FNDC3A: variants seen among roughly 807,000 people sequenced by gnomAD.
The protein encoded by FNDC3A is fibronectin type-III domain-containing protein 3A.
A neutral mutation model predicts 148.9 loss-of-function variants in FNDC3A; 32 were observed. That is an observed-to-expected ratio of 0.21 (90% CI 0.16 to 0.29). The LOEUF is 0.29. Among genes scored for constraint, FNDC3A ranks in the 10% least tolerant of loss-of-function variants. FNDC3A has a pLI of 1.00. For missense variants in FNDC3A, 1,191 were observed against 1,452.8 expected (o/e 0.82, Z 2.93); for synonymous variants, 472 against 473.6 (o/e 1.00, Z 0.04).
chr13:48,982,650 A>G (rs1951714287), intron 1 of FNDC3A, among the ~76,000 whole-genome samples: 1 of 152,196 alleles, frequency 6.6e-6, no homozygotes, highest in African/African-American at 2.4e-5. Flanking sequence ...AAATCACAAT[A>G]CAATTCCTGC....
At chr13:48,987,864 G>A (rs1394899432) in intron 1 of FNDC3A, 2 of 152,226 alleles carry the variant, frequency 1.3e-5, no homozygotes, top group East Asian at 3.9e-4. Flanking sequence ...AAATGTTATG[G>A]CACTTAAACA....
intron 14 of FNDC3A, among the ~76,000 whole-genome samples, chr13:49,185,076 G>A (rs1885497592): frequency 6.6e-6 from 1 of 152,014 alleles, no homozygotes; most frequent in African/African-American, 2.4e-5. Context: ...TTTACTGTGG[G>A]GAGAGAAAAA....
rs1886740134 is a variant in FNDC3A at position 49,208,176 on chromosome 13, T to C, written c.*781T>C. The C allele has an allele frequency of 6.6e-6, 1 of 152,230 alleles. No individual in the cohort carries two copies. Among genetic ancestry groups the C allele is most frequent in the Non-Finnish European group, 1.5e-5 (1 of 68,032 alleles). The allele number at this position is 152,230 out of a possible 1,614,324, so 9.4% of individuals were successfully genotyped here. A position where few individuals can be genotyped will look rare whatever the true frequency, so the allele number is the denominator to read the frequency against. ...AAAGTAAATTGAATTTCAAACCTAT[T>C]TGGCTTCTGTTTTGTGAACCTTTGA... On this transcript the variant is annotated 3_prime_UTR_variant, in exon 26 of 26. Transcript: ENST00000492622.
chr13:48,980,874 G>T (rs1276312584), intron 1 of FNDC3A, among the ~76,000 whole-genome samples: 1 of 152,150 alleles, frequency 6.6e-6, no homozygotes, highest in Non-Finnish European at 1.5e-5. Context: ...ATCAGGGTTA[G>T]TATTAGGTGC....
chr13:49,006,991 A>G (rs937777179), intron 2 of FNDC3A, among the ~76,000 whole-genome samples: 4 of 152,074 alleles, frequency 2.6e-5, no homozygotes, highest in African/African-American at 9.7e-5. Flanking sequence ...TTGTGCTAAG[A>G]GCTTTATGAT....
chr13:49,016,995 A>G (rs1334735896), intron 2 of FNDC3A, among the ~76,000 whole-genome samples: 1 of 151,630 alleles, frequency 6.6e-6, no homozygotes, highest in Admixed American at 6.6e-5. Flanking sequence ...GTTCTTTTAC[A>G]TTTGCTGAGG....
chr13:49,180,224 A>G (rs1212429994), intron 14 of FNDC3A, among the ~76,000 whole-genome samples: 9 of 152,160 alleles, frequency 5.9e-5, no homozygotes, highest in African/African-American at 4.8e-5. Context: ...GATAAATTCA[A>G]CATTTAAATT....
At chr13:49,203,031 G>C in intron 24 of FNDC3A, 126 bp from the exon 25 acceptor site, 2 of 674,428 alleles carry the variant, frequency 3.0e-6, no homozygotes, top group East Asian at 5.8e-5. Context: ...AAAATTCACT[G>C]ATACTTATTT....
intron 3 of FNDC3A, among the ~76,000 whole-genome samples, chr13:49,108,106 T>C (rs1880316759): frequency 2.0e-5 from 3 of 152,110 alleles, no homozygotes; most frequent in African/African-American, 7.2e-5. Context: ...GATGAGATAG[T>C]GGAGTTCTAA....
In FNDC3A at chr13:49,187,628, G is replaced by A. The variant is rs979621319; in HGVS notation, c.1825+438G>A. 11 of 1,602,060 alleles carry A rather than the reference G, an allele frequency of 6.9e-6. No homozygotes were observed. In the Admixed American group the frequency reaches 8.3e-5, roughly 12 times the overall value. On this transcript the variant is annotated intron_variant, in intron 16 of 25. Transcript: ENST00000492622. ...GGGCCCTCCTCACAGTGGCTCCTAC[G>A]GACCACAGAGGTTGTGAACCTCCGG...
At chr13:49,064,645 ACAGT>A (rs1331400385) in intron 2 of FNDC3A, among the ~76,000 whole-genome samples, 5 of 152,156 alleles carry the variant, frequency 3.3e-5, no homozygotes, top group Non-Finnish European at 5.9e-5. Flanking sequence ...TGGCGCAGAC[ACAGT>A]CAGTCATTAT....
intron 7 of FNDC3A, among the ~76,000 whole-genome samples, chr13:49,143,352 C>G (rs1273971652): frequency 6.6e-6 from 1 of 150,784 alleles, no homozygotes; most frequent in Non-Finnish European, 1.5e-5. Context: ...TAGTAAGACC[C>G]AGTCTCAATA....
At chr13:49,049,149 G>A (rs1686470590) in intron 2 of FNDC3A, among the ~76,000 whole-genome samples, 1 of 152,176 alleles carries the variant, frequency 6.6e-6, no homozygotes, top group Non-Finnish European at 1.5e-5. Context: ...TGCATCCCTG[G>A]TATGACACCC....
At chr13:49,140,011 G>A (rs1347439439) in intron 7 of FNDC3A, among the ~76,000 whole-genome samples, 2 of 152,194 alleles carry the variant, frequency 1.3e-5, no homozygotes, top group Non-Finnish European at 2.9e-5. Flanking sequence ...GCTAATGCTA[G>A]TAGCATTTAC....
intron 3 of FNDC3A, among the ~76,000 whole-genome samples, chr13:49,103,913 C>T (rs1193613999): frequency 6.6e-6 from 1 of 152,050 alleles, no homozygotes. Flanking sequence ...GAATGATAAT[C>T]TTTCATGAGA....
Position 49,002,114 on chromosome 13 carries a change from C to T in FNDC3A, c.-39-4038C>T, listed in dbSNP as rs145970959. On this transcript the variant is annotated intron_variant, in intron 1 of 25. Coordinates refer to ENST00000492622, the MANE Select transcript of FNDC3A (RefSeq NM_001079673.2). ...CTTAAGGAAAATAGAAAAGAACCTA[C>T]GTGACTATCAGGGGCAGGTTCCCCC... Among the ~76,000 whole-genome samples, 479 of 152,300 alleles carry T rather than the reference C, an allele frequency of 3.1e-3. 5 individuals carry two copies. Among genetic ancestry groups the T allele is most frequent in the African/African-American group, 7.3e-3 (304 of 41,554 alleles).
chr13:49,046,394 G>T, intron 2 of FNDC3A: 1 of 191,698 alleles, frequency 5.2e-6, no homozygotes, highest in South Asian at 1.2e-4. Context: ...TCTTGTACTT[G>T]AATACCATGC....
chr13:49,138,019 T>C (rs1252680256), intron 6 of FNDC3A, among the ~76,000 whole-genome samples: 1 of 152,216 alleles, frequency 6.6e-6, no homozygotes, highest in African/African-American at 2.4e-5. Context: ...TCTAAATTGA[T>C]ATTTACTATC....
intron 14 of FNDC3A, among the ~76,000 whole-genome samples, chr13:49,184,302 T>TA (rs1885451281): frequency 6.6e-6 from 1 of 152,134 alleles, no homozygotes; most frequent in Non-Finnish European, 1.5e-5. Context: ...TAAGCAGTGA[T>TA]AAAAAGTCCC....
Sources: allele counts gnomAD v4.1 joint callset (sites outside exome capture counted in the v4.1 genomes callset), GRCh38; gene constraint gnomAD v4.1.1; transcripts MANE v1.5; gene names NCBI Gene and HGNC (gene_info 2026-07-23, HGNC 2026-07-21).